Variants in PITPNC1 observed in about 807,000 individuals in gnomAD.
PITPNC1 encodes the protein phosphatidylinositol transfer protein cytoplasmic 1.
A neutral mutation model predicts 44.7 loss-of-function variants in PITPNC1; 18 were observed. The ratio of observed to expected loss-of-function variants is 0.40; its 90% CI spans 0.28 to 0.60. The LOEUF is 0.60. PITPNC1 is among the 20% of genes least tolerant of loss of function. The pLI, the probability that PITPNC1 is intolerant of heterozygous loss-of-function variation, is 0.39. For synonymous variants in PITPNC1, 141 were observed against 149.6 expected, an observed-to-expected ratio of 0.94 and a Z score of 0.42; for missense variants, 290 against 418.4, an observed-to-expected ratio of 0.69 and a Z score of 2.68.
At chr17:67,388,492 T>A (rs978428911) in intron 1 of PITPNC1, among the ~76,000 whole-genome samples, 1 of 151,998 alleles carries the variant, frequency 6.6e-6, no homozygotes, top group African/African-American at 2.4e-5. Flanking sequence ...CGGCTAATTT[T>A]TGTATTTTTA....
chr17:67,399,206 G>A (rs534736718), intron 1 of PITPNC1, among the ~76,000 whole-genome samples: 3 of 152,030 alleles, frequency 2.0e-5, no homozygotes, highest in Admixed American at 6.6e-5. Flanking sequence ...GTAGAGACGG[G>A]GTTTCACTGT....
In PITPNC1 at chr17:67,473,287, G is replaced by A. The variant is rs577338813; in HGVS notation, c.49-59515G>A. Among the ~76,000 whole-genome samples the A allele has an allele frequency of 1.2e-4, 18 of 151,560 alleles. No individual in the cohort carries two copies. In the East Asian group the frequency reaches 3.3e-3, roughly 28 times the overall value. On this transcript the variant is annotated intron_variant, in intron 1 of 8. Transcript: ENST00000581322. ...TGGGCTCAAGCTGTCTACCCACCTCGGCCTCCTAAGTGCTGGGATTATAGG... is the reference window on the plus strand; with the variant it reads ...TGGGCTCAAGCTGTCTACCCACCTCAGCCTCCTAAGTGCTGGGATTATAGG...
At chr17:67,453,112 T>C (rs1312793154) in intron 1 of PITPNC1, among the ~76,000 whole-genome samples, 1 of 152,174 alleles carries the variant, frequency 6.6e-6, no homozygotes, top group Non-Finnish European at 1.5e-5. Flanking sequence ...TCCAGTATTG[T>C]GTCCGGGGGC....
chr17:67,695,953 G>A lies in PITPNC1; in HGVS notation c.*3065G>A, dbSNP rs1279944176. The A allele has an allele frequency of 6.6e-6, 1 of 152,172 alleles. No homozygotes were observed. Among genetic ancestry groups the A allele is most frequent in the Non-Finnish European group, 1.5e-5 (1 of 68,038 alleles). 9.4% of individuals were successfully genotyped at this position (152,172 alleles called of 1,614,324 possible). On this transcript the variant is annotated 3_prime_UTR_variant, in exon 9 of 9. Transcript: ENST00000581322. ...TCATTTCATTTTCTCACTTTGGGTT[G>A]TTGCAAGACAAAGCAAAGGAAAAGG...
intron 4 of PITPNC1, among the ~76,000 whole-genome samples, chr17:67,574,322 A>G (rs1423390915): frequency 6.6e-6 from 1 of 152,242 alleles, no homozygotes; most frequent in African/African-American, 2.4e-5. Flanking sequence ...AGAGGAGGAT[A>G]TATCTTTCTC....
rs1907249364 is a variant in PITPNC1, at chr17:67,556,834, G to T, written c.294+3217G>T. Reference sequence around the variant, plus strand: ...AGGCAGAGTTCGGGAAAATTAAGTGGTAGCAGATGAATACATAACTGTCAG... The same window carrying T: ...AGGCAGAGTTCGGGAAAATTAAGTGTTAGCAGATGAATACATAACTGTCAG... On this transcript the variant is annotated intron_variant, in intron 4 of 8. Coordinates refer to ENST00000581322, the MANE Select transcript of PITPNC1 (RefSeq NM_012417.4). 2.0e-5 allele frequency among the ~76,000 whole-genome samples: 3 copies of T among 152,256 alleles called. No homozygotes were observed. In the South Asian group the frequency reaches 6.2e-4, roughly 31 times the overall value.
At chr17:67,464,500 T>C (rs2039394739) in intron 1 of PITPNC1, among the ~76,000 whole-genome samples, 1 of 152,142 alleles carries the variant, frequency 6.6e-6, no homozygotes, top group Non-Finnish European at 1.5e-5. Flanking sequence ...ACCCATAGGC[T>C]GGCGAACTCT....
At chr17:67,621,355 G>T (rs1340076326) in intron 5 of PITPNC1, among the ~76,000 whole-genome samples, 2 of 151,912 alleles carry the variant, frequency 1.3e-5, no homozygotes, top group African/African-American at 4.8e-5. Context: ...CTATAGGTGT[G>T]TGCTGCCACA....
At chr17:67,672,663 C>G (rs1275848791) in intron 7 of PITPNC1, among the ~76,000 whole-genome samples, 1 of 151,894 alleles carries the variant, frequency 6.6e-6, no homozygotes. Flanking sequence ...GCCCCAGGGT[C>G]CACTGTGTTT....
At position 67,613,822 on chromosome 17, in the gene PITPNC1, CA is replaced by C. The variant is rs34474722; in HGVS notation, c.367-18306del. ...TGGGCAACAGAGTGAGACTCCGTCTCAAAAAAAAAAAAAAAGGAGTGCTGGT... is the reference window on the plus strand; with the variant it reads ...TGGGCAACAGAGTGAGACTCCGTCTCAAAAAAAAAAAAAAGGAGTGCTGGT... On this transcript the variant is annotated intron_variant, in intron 5 of 8. Coordinates refer to ENST00000581322, the MANE Select transcript of PITPNC1 (RefSeq NM_012417.4). 409 of 76,734 alleles carry C rather than the reference CA, an allele frequency of 5.3e-3. 1 individual carries two copies. The highest frequency in any genetic ancestry group is 1.0e-2 in the African/African-American group (196 of 19,654). 4.8% of individuals were successfully genotyped at this position (76,734 alleles called of 1,614,324 possible). A position where few individuals can be genotyped will look rare whatever the true frequency, so the allele number is the denominator to read the frequency against.
At chr17:67,551,905 C>T (rs1403354115) in intron 2 of PITPNC1, among the ~76,000 whole-genome samples, 8 of 152,116 alleles carry the variant, frequency 5.3e-5, no homozygotes, top group Admixed American at 4.6e-4. Context: ...TTAAACATTC[C>T]GTGATACCAC....
At chr17:67,434,167 G>T (rs1047887593) in intron 1 of PITPNC1, among the ~76,000 whole-genome samples, 1 of 152,194 alleles carries the variant, frequency 6.6e-6, no homozygotes, top group African/African-American at 2.4e-5. Flanking sequence ...CTGGGCTGCA[G>T]ACGGGGAATG....
At chr17:67,523,806 C>CCTTTT (rs1281830078) in intron 1 of PITPNC1, among the ~76,000 whole-genome samples, 5 of 127,598 alleles carry the variant, frequency 3.9e-5, no homozygotes, top group South Asian at 2.7e-4. Flanking sequence ...ACATGGAAAC[C>CCTTTT]GTTTTTTTTT....
intron 1 of PITPNC1, among the ~76,000 whole-genome samples, chr17:67,382,656 G>T (rs186921562): frequency 6.6e-6 from 1 of 151,988 alleles, no homozygotes; most frequent in Non-Finnish European, 1.5e-5. Context: ...ACACTCTCTC[G>T]CTCTGTCGCC....
At chr17:67,661,994 C>CATAATAATA (rs59557224) in intron 6 of PITPNC1, among the ~76,000 whole-genome samples, 5 of 150,860 alleles carry the variant, frequency 3.3e-5, no homozygotes, top group African/African-American at 4.9e-5. Flanking sequence ...GACTCCATCT[C>CATAATAATA]ATAATAATAA....
intron 1 of PITPNC1, among the ~76,000 whole-genome samples, chr17:67,494,185 T>TTCTTTCCTTTC: frequency 9.8e-6 from 1 of 102,428 alleles, no homozygotes; most frequent in Non-Finnish European, 2.1e-5. Flanking sequence ...CTTTCTTTCT[T>TTCTTTCCTTTC]TTTCTTTCTT....
rs1374110260 is a variant in PITPNC1 at position 67,433,926 on chromosome 17, A to ATAC, written c.48+55726_48+55727insCTA. Among the ~76,000 whole-genome samples, 5 of 152,110 alleles carry ATAC rather than the reference A, an allele frequency of 3.3e-5. No homozygotes were observed. In the East Asian group the frequency reaches 5.8e-4, roughly 18 times the overall value. ...CCTCCTCCCCATAATAATAATAATA[A>ATAC]TAATAAAGAGGAATCTGGTGCTGGC... is the stretch of plus-strand genomic sequence containing the variant. On this transcript the variant is annotated intron_variant, in intron 1 of 8. Coordinates refer to ENST00000581322, the MANE Select transcript of PITPNC1 (RefSeq NM_012417.4).
At chr17:67,514,505 C>T (rs1170366844) in intron 1 of PITPNC1, among the ~76,000 whole-genome samples, 2 of 151,044 alleles carry the variant, frequency 1.3e-5, no homozygotes, top group Non-Finnish European at 2.9e-5. Flanking sequence ...GCCAAATTCA[C>T]GGTTCTTGAT....
chr17:67,545,852 C>T (rs1197580940), intron 2 of PITPNC1, among the ~76,000 whole-genome samples: 1 of 152,120 alleles, frequency 6.6e-6, no homozygotes, highest in Non-Finnish European at 1.5e-5. Flanking sequence ...ACAGAGCAAA[C>T]ATCCCTGCCC....
Sources: allele counts gnomAD v4.1 joint callset (sites outside exome capture counted in the v4.1 genomes callset), GRCh38; gene constraint gnomAD v4.1.1; transcripts MANE v1.5; gene names NCBI Gene and HGNC (gene_info 2026-07-23, HGNC 2026-07-21).